UBXN11: variants seen among roughly 807,000 people sequenced by gnomAD.
UBXN11 encodes the protein UBX domain-containing protein 11.
A neutral mutation model predicts 62.8 loss-of-function variants in UBXN11; 47 were observed. That is an observed-to-expected ratio of 0.75 (90% CI 0.59 to 0.95). UBXN11 has a LOEUF of 0.95. Ranked by LOEUF, UBXN11 falls within the 40% of genes least tolerant of loss-of-function variation. The probability of loss-of-function intolerance (pLI) is 0.00; values close to 1 mark genes in which losing one functional copy is unlikely to be tolerated. For missense variants in UBXN11, 638 were observed against 661.7 expected (o/e 0.96, Z 0.39); for synonymous variants, 294 against 267.0 (o/e 1.10, Z -0.99).
chr1:26,296,799 G>C (rs1232769444), intron 7 of UBXN11, 120 bp downstream of exon 7: 13 of 1,038,176 alleles, frequency 1.3e-5, no homozygotes, highest in South Asian at 6.5e-5. Context: ...CAGGGTCCCT[G>C]GGTGGGATGT....
Position 26,316,413 on chromosome 1 carries a change from AGT to A in UBXN11, c.-149+1632_-149+1633del, listed in dbSNP as rs759815922. 8.2e-4 allele frequency among the ~76,000 whole-genome samples: 122 copies of A among 148,248 alleles called. 1 individual carries two copies. Among genetic ancestry groups the A allele is most frequent in the Non-Finnish European group, 1.9e-4 (13 of 67,318 alleles). On this transcript the variant is annotated intron_variant, in intron 1 of 14. Coordinates refer to the UBXN11 transcript ENST00000374217. ...GCCTAAAGTAGACTAAGGAAGGGAG[AGT>A]GTGAAGGGAGAGTGGGCCAGAGCTG... is the stretch of plus-strand genomic sequence containing the variant.
At chr1:26,314,267 T>C (rs957696949) in intron 1 of UBXN11, among the ~76,000 whole-genome samples, 1 of 152,176 alleles carries the variant, frequency 6.6e-6, no homozygotes, top group Non-Finnish European at 1.5e-5. Context: ...TCTTTGAGGG[T>C]TGGGCTGTTG....
upstream of UBXN11, chr1:26,306,837 G>GGGGGGGGGGGGGT (rs2073682363): frequency 1.6e-5 from 1 of 63,372 alleles, no homozygotes; most frequent in African/African-American, 6.0e-5. Context: ...GGTGGGGGGG[G>GGGGGGGGGGGGGT]GGGGTGGTTC....
At chr1:26,310,474 G>T (rs188338473), upstream of UBXN11, among the ~76,000 whole-genome samples, 2 of 150,948 alleles carry the variant, frequency 1.3e-5, no homozygotes, top group Non-Finnish European at 2.9e-5. Context: ...GCAGTCGGAG[G>T]TTACAGTGAG....
upstream of UBXN11, among the ~76,000 whole-genome samples, chr1:26,309,618 A>G (rs1233155468): frequency 6.6e-6 from 1 of 152,164 alleles, no homozygotes; most frequent in African/African-American, 2.4e-5. Context: ...CACTGGAGAA[A>G]CTTGGAAAAT....
rs372888555 is a variant in UBXN11 at position 26,284,466 on chromosome 1, T to C, written c.869A>G (p.Asn290Ser). ...GVPFKVSDLR[N>S]QVYLEDGLDP... is the part of the protein sequence containing the mutation. ...CAGTCCATCCTCCAGGTAGACCTGA[T>C]TGCGCAAGTCACTCACCTGGCAAGA... The change falls in exon 11 of 15, where the codon AAT (asparagine) becomes AGT (serine). Residue 290 changes from asparagine (N) to serine (S), a missense_variant. By Grantham distance (46) the Asn-to-Ser change is conservative. Coordinates refer to ENST00000374222, the MANE Select transcript of UBXN11 (RefSeq NM_001389556.1). The C allele has an allele frequency of 2.2e-5, 36 of 1,604,866 alleles. No individual in the cohort carries two copies. In the African/African-American group the frequency reaches 4.5e-4, roughly 20 times the overall value.
chr1:26,297,511 G>A, intron 5 of UBXN11, 30 bp from the exon 6 acceptor site: 4 of 1,527,906 alleles, frequency 2.6e-6, no homozygotes, highest in Non-Finnish European at 3.5e-6. Flanking sequence ...GTGAGCACAG[G>A]GCCTGTGGTT....
intron 5 of UBXN11, 80 bp downstream of exon 5, chr1:26,297,882 T>C: frequency 6.8e-7 from 1 of 1,465,010 alleles, no homozygotes; most frequent in Non-Finnish European, 9.3e-7. Context: ...TCACCCACCC[T>C]AGTCCAACTC....
At chr1:26,287,919 T>G (rs980459788) in intron 8 of UBXN11, among the ~76,000 whole-genome samples, 2 of 150,646 alleles carry the variant, frequency 1.3e-5, no homozygotes, top group Non-Finnish European at 3.0e-5. Flanking sequence ...TTTTTTTTTT[T>G]TCCGAGAAAG....
At chr1:26,287,517 T>C (rs903133919) in intron 8 of UBXN11, among the ~76,000 whole-genome samples, 1 of 151,980 alleles carries the variant, frequency 6.6e-6, no homozygotes. Context: ...CCAATAACTT[T>C]TGGGGCCTCA....
intron 8 of UBXN11, among the ~76,000 whole-genome samples, chr1:26,286,326 G>A (rs2073133758): frequency 1.3e-5 from 2 of 152,204 alleles, no homozygotes; most frequent in African/African-American, 4.8e-5. Flanking sequence ...GTTAGAGAAA[G>A]TTACATGGCT....
At chr1:26,311,977 T>C (rs2073748681) in intron 1 of UBXN11, among the ~76,000 whole-genome samples, 1 of 152,192 alleles carries the variant, frequency 6.6e-6, no homozygotes, top group Non-Finnish European at 1.5e-5. Flanking sequence ...GACGAAGCCC[T>C]CATCATCTAC....
chr1:26,290,394 AG>A (rs1161591350), intron 8 of UBXN11, among the ~76,000 whole-genome samples: 1 of 152,172 alleles, frequency 6.6e-6, no homozygotes, highest in Non-Finnish European at 1.5e-5. Flanking sequence ...CAGAGCTTTT[AG>A]CCCCTTCCCT....
chr1:26,303,981 A>G (rs550275563), intron 1 of UBXN11, among the ~76,000 whole-genome samples: 2 of 152,304 alleles, frequency 1.3e-5, no homozygotes, highest in South Asian at 4.1e-4. Context: ...TCTATTCAGT[A>G]AATGACCTCA....
chr1:26,313,643 C>T (rs567728408), intron 1 of UBXN11, among the ~76,000 whole-genome samples: 11 of 152,292 alleles, frequency 7.2e-5, no homozygotes, highest in South Asian at 2.1e-4. Flanking sequence ...TACTTTCTTA[C>T]GATCTTTACT....
intron 10 of UBXN11, chr1:26,284,976 C>T: frequency 1.0e-6 from 1 of 1,002,536 alleles, no homozygotes; most frequent in Non-Finnish European, 1.2e-6. Flanking sequence ...CTCAGTGCGG[C>T]ACTAACCCAC....
At chr1:26,316,754 A>T (rs1160812078) in intron 1 of UBXN11, among the ~76,000 whole-genome samples, 1 of 152,134 alleles carries the variant, frequency 6.6e-6, no homozygotes, top group Non-Finnish European at 1.5e-5. Context: ...CTATCCAGGC[A>T]GCTGTGGGAT....
At position 26,305,257 on chromosome 1, in the gene UBXN11, C is replaced by G. The variant is rs529091992; in HGVS notation, c.-36+1335G>C. ...CTAGGATTACCGGCGTGAGCCACCC[C>G]ACCTGGCCCATCTCTATAATTTTCT... On this transcript the variant is annotated intron_variant, in intron 1 of 14. Coordinates refer to ENST00000374222, the MANE Select transcript of UBXN11 (RefSeq NM_001389556.1). Among the ~76,000 whole-genome samples the G allele has an allele frequency of 9.2e-5, 14 of 152,274 alleles. No homozygotes were observed. In the East Asian group the frequency reaches 2.7e-3, roughly 29 times the overall value.
intron 8 of UBXN11, among the ~76,000 whole-genome samples, chr1:26,289,989 C>T (rs1271708202): frequency 6.6e-6 from 1 of 152,242 alleles, no homozygotes. Context: ...GGTCTGGTCC[C>T]CGCCAGAACA....
Sources: gnomAD v4.1 joint callset for allele counts (sites outside exome capture counted in the v4.1 genomes callset) on GRCh38, gnomAD v4.1.1 for gene constraint, MANE v1.5 for transcripts, NCBI Gene and HGNC (gene_info 2026-07-23, HGNC 2026-07-21) for gene names.